USP39: variants seen among roughly 807,000 people sequenced by gnomAD.
USP39 encodes ubiquitin specific peptidase 39.
USP39 carries 38 observed loss-of-function variants against 66.4 expected under a neutral mutation model. The observed-to-expected ratio is 0.57, with a 90% CI of 0.44 to 0.75. USP39 has a LOEUF of 0.75. Ranked by LOEUF, USP39 falls within the 30% of genes least tolerant of loss-of-function variation. The pLI is 0.00. For synonymous variants in USP39, 303 were observed against 274.6 expected (o/e 1.10, Z -1.02); for missense variants, 608 against 714.4 (o/e 0.85, Z 1.70).
At chr2:85,608,172 TG>T (rs973290181), upstream of USP39, 1 of 152,382 alleles carries the variant, frequency 6.6e-6, no homozygotes, top group African/African-American at 2.4e-5. Context: ...CAGGTTTTGC[TG>T]TAAGAAATCT....
Position 85,648,897 on chromosome 2 carries a change from G to A in USP39, c.*89G>A, listed in dbSNP as rs1676850588. 3 of 1,542,012 alleles carry A rather than the reference G, an allele frequency of 1.9e-6. No individual in the cohort carries two copies. In the South Asian group the frequency reaches 3.4e-5, roughly 17 times the overall value. ...GCTGTAGCTGAACACAGGCTGGCTG[G>A]TGGGCTTCCTAGGCCAGCCCAGCTT... On this transcript the variant is annotated 3_prime_UTR_variant, in exon 13 of 13. Coordinates refer to ENST00000323701, the MANE Select transcript of USP39 (RefSeq NM_006590.4).
chr2:85,615,715 C>T (rs1673873004), upstream of USP39, among the ~76,000 whole-genome samples: 1 of 152,230 alleles, frequency 6.6e-6, no homozygotes, highest in African/African-American at 2.4e-5. Context: ...ACCGCAACCT[C>T]CGCCTCCTGG....
In USP39 at chr2:85,640,283, G is replaced by A. The variant is rs528146062; in HGVS notation, c.1285-693G>A. ...GAGAGGAGAAACTCCAAAAAGTGGG[G>A]AGACATACTTTTTTTTTTTTTTTGA... is the stretch of plus-strand genomic sequence containing the variant. On this transcript the variant is annotated intron_variant, in intron 9 of 12. Coordinates refer to ENST00000323701, the MANE Select transcript of USP39 (RefSeq NM_006590.4). 1.8e-3 allele frequency among the ~76,000 whole-genome samples: 275 copies of A among 151,878 alleles called. 1 individual carries two copies. The highest frequency in any genetic ancestry group is 6.9e-3 in the Middle Eastern group (2 of 290).
chr2:85,621,550 C>T lies in USP39; in HGVS notation c.404C>T (p.Ala135Val). Residue 135 changes from alanine to valine, a missense_variant, in exon 3 of 13, where the codon GCC becomes GTC. Ala to Val is a moderately conservative substitution (Grantham distance 64). Coordinates refer to ENST00000323701, the MANE Select transcript of USP39 (RefSeq NM_006590.4). ...SISLSHINAY[A>V]CLVCGKYFQG... Reference sequence around the variant, plus strand: ...TCCCTCTCACACATCAATGCTTATGCCTGTCTGGTGTGTGGCAAGTACTTT... The same window carrying T: ...TCCCTCTCACACATCAATGCTTATGTCTGTCTGGTGTGTGGCAAGTACTTT... 1 of 1,613,764 alleles carries T rather than the reference C, an allele frequency of 6.2e-7. No homozygotes were observed. Among genetic ancestry groups the T allele is most frequent in the Non-Finnish European group, 8.5e-7 (1 of 1,179,966 alleles).
At position 85,634,155 on chromosome 2, in the gene USP39, GTC is replaced by G. The variant is rs1173171708; in HGVS notation, c.950-1894_950-1893del. The stretch of plus-strand genomic sequence containing the variant: ...CCCGGCCGAGTAGTGGCTTTTAAGA[GTC>G]TCTGGTACTTAAGGAGAAATAGGAG... On this transcript the variant is annotated intron_variant, in intron 6 of 12. Coordinates refer to ENST00000323701, the MANE Select transcript of USP39 (RefSeq NM_006590.4). Among the ~76,000 whole-genome samples, 3 of 151,870 alleles carry G rather than the reference GTC, an allele frequency of 2.0e-5. No homozygotes were observed. In the East Asian group the frequency reaches 5.9e-4, roughly 30 times the overall value.
upstream of USP39, chr2:85,611,835 A>C (rs1294259657): frequency 1.2e-6 from 2 of 1,603,648 alleles, no homozygotes; most frequent in Non-Finnish European, 1.7e-6. Context: ...GGGCCAGGCC[A>C]GGCCAGGAGT....
rs1002276033 is a variant in USP39 at position 85,645,003 on chromosome 2, A to T, written c.1483A>T (p.Thr495Ser). The T allele has an allele frequency of 1.9e-6, 3 of 1,614,202 alleles. No individual in the cohort carries two copies. In the Admixed American group the frequency reaches 5.0e-5, roughly 27 times the overall value. ...SEEVQAVHKNTTYDLIANIVH... is the reference protein window; with the variant it reads ...SEEVQAVHKNSTYDLIANIVH... ...AGAAGTACAAGCAGTACACAAGAAT[A>T]CCACCTATGACCTCATTGCCAACAT... The change falls in exon 11 of 13, where the codon ACC becomes TCC. Residue 495 changes from threonine to serine, a missense_variant. By Grantham distance (58) the Thr-to-Ser change is moderately conservative. Coordinates refer to ENST00000323701, the MANE Select transcript of USP39 (RefSeq NM_006590.4).
rs1028176619 is a variant in USP39 at position 85,602,978 on chromosome 2, G to A, written n.123G>A. On this transcript the variant is annotated non_coding_transcript_exon_variant, in exon 1 of 13. Coordinates refer to the USP39 transcript ENST00000459775. The surrounding 1 kb of genome is among the most constrained non-coding windows in gnomAD (Gnocchi z 5.6). Reference sequence around the variant, plus strand: ...GGAAGCGTCAGCAGGTGGGGATCTCGGGGCAGCCTGCATTCCAGCTCTACC... The same window carrying A: ...GGAAGCGTCAGCAGGTGGGGATCTCAGGGCAGCCTGCATTCCAGCTCTACC... The A allele has an allele frequency of 2.6e-5, 4 of 152,378 alleles. No homozygotes were observed. In the South Asian group the frequency reaches 6.2e-4, roughly 24 times the overall value. The allele number at this position is 152,378 out of a possible 1,614,324, so 9.4% of individuals were successfully genotyped here.
upstream of USP39, chr2:85,609,535 C>T: frequency 6.2e-7 from 1 of 1,614,214 alleles, no homozygotes; most frequent in Non-Finnish European, 8.5e-7. Context: ...TCCACTACTG[C>T]TGCTTTCACC....
intron 2 of USP39, 92 bp downstream of exon 2, chr2:85,619,381 AC>A: frequency 1.4e-6 from 2 of 1,387,672 alleles, no homozygotes; most frequent in Non-Finnish European, 2.0e-6. Flanking sequence ...ACATTGACAA[AC>A]TTTACTTTTT....
Position 85,616,453 on chromosome 2 carries a change from G to T in USP39, c.258G>T (p.Arg86=). 1 of 1,549,394 alleles carries T rather than the reference G, an allele frequency of 6.5e-7. No individual in the cohort carries two copies. The highest frequency in any genetic ancestry group is 8.7e-7 in the Non-Finnish European group (1 of 1,142,916). ...REVDEDSEPE[R]EVRAKNGRVD... ...TCGATGAGGACTCGGAGCCTGAGCG[G>T]GAGGTGCGAGGTGCGCGGGGCCGGG... Residue 86 remains arginine, a synonymous_variant, in exon 1 of 13, where the codon CGG becomes CGT. Transcript: ENST00000323701.
At chr2:85,620,159 AC>A (rs1674349882) in intron 2 of USP39, among the ~76,000 whole-genome samples, 1 of 150,542 alleles carries the variant, frequency 6.6e-6, no homozygotes, top group African/African-American at 2.4e-5. Context: ...CGCCCAGCCA[AC>A]GAGACCCATC....
chr2:85,622,910 C>A (rs900521956), intron 3 of USP39, among the ~76,000 whole-genome samples: 6 of 152,142 alleles, frequency 3.9e-5, no homozygotes, highest in Admixed American at 1.3e-4. Context: ...TCTTTGCTCT[C>A]GTAAGGAGCT....
At chr2:85,640,725 G>C (rs1014598773) in intron 9 of USP39, among the ~76,000 whole-genome samples, 2 of 147,658 alleles carry the variant, frequency 1.4e-5, no homozygotes, top group Non-Finnish European at 3.0e-5. Context: ...CCCCTGCCTC[G>C]GCCTCCTACA....
chr2:85,611,337 T>C (rs1573377559), upstream of USP39: 2 of 1,436,418 alleles, frequency 1.4e-6, no homozygotes, highest in African/African-American at 1.4e-5. Context: ...TCCGCAATTA[T>C]GTGCTGGTCG....
chr2:85,634,851 G>A (rs1675632678), intron 6 of USP39, among the ~76,000 whole-genome samples: 1 of 152,194 alleles, frequency 6.6e-6, no homozygotes, highest in East Asian at 1.9e-4. Context: ...TGGCCTGAAG[G>A]TGGATAGTGG....
chr2:85,616,049 C>A, upstream of USP39: 1 of 1,291,940 alleles, frequency 7.7e-7, no homozygotes, highest in South Asian at 2.5e-5. Context: ...AACAGCACCG[C>A]CCACAAATTT....
chr2:85,606,351 C>T (rs1452113610), intron 1 of USP39, among the ~76,000 whole-genome samples: 1 of 152,200 alleles, frequency 6.6e-6, no homozygotes, highest in Non-Finnish European at 1.5e-5. Flanking sequence ...TGATGGAAAA[C>T]ACTAATTTTT....
Position 85,619,232 on chromosome 2 carries a change from G to A in USP39, c.281G>A (p.Arg94Gln), listed in dbSNP as rs763457651. The change falls in exon 2 of 13, where the codon CGA becomes CAA. Residue 94 changes from arginine (R) to glutamine (Q), a missense_variant. Arg to Gln is a conservative substitution (Grantham distance 43, BLOSUM62 1). This residue lies in a region of USP39 where 207 missense variants were observed against 145.7 expected (regional missense o/e 1.42). Transcript: ENST00000323701. ...PEREVRAKNG[R>Q]VDSEDRRSRH... ...ATTTTCCTTTCAGCAAAGAATGGCC[G>A]AGTGGATTCTGAGGACCGGAGGAGC... The A allele has an allele frequency of 6.8e-6, 11 of 1,613,814 alleles. No individual in the cohort carries two copies. The highest frequency in any genetic ancestry group is 1.7e-5 in the Admixed American group (1 of 59,948).
Sources: gnomAD v4.1 joint callset for allele counts (sites outside exome capture counted in the v4.1 genomes callset) on GRCh38, gnomAD v4.1.1 for gene constraint, gnomAD v4.1.1 regional missense constraint, Gnocchi (gnomAD v3.1) non-coding constraint, MANE v1.5 for transcripts, NCBI Gene and HGNC (gene_info 2026-07-23, HGNC 2026-07-21) for gene names.